Variants in RPS6KC1 observed in about 807,000 individuals in gnomAD.
RPS6KC1 encodes ribosomal protein S6 kinase C1.
RPS6KC1 carries 54 observed loss-of-function variants against 103.8 expected under a neutral mutation model. The ratio of observed to expected loss-of-function variants is 0.52; its 90% CI spans 0.42 to 0.65. The LOEUF (loss-of-function observed/expected upper bound fraction) is 0.65. RPS6KC1 is among the 30% of genes least tolerant of loss of function. The pLI is 0.00. For missense variants in RPS6KC1, 1,151 were observed against 1,253.8 expected, an observed-to-expected ratio of 0.92 and a Z score of 1.24; for synonymous variants, 439 against 438.7, an observed-to-expected ratio of 1.00 and a Z score of -0.01.
chr1:213,157,742 T>G (rs1172376366), intron 6 of RPS6KC1, among the ~76,000 whole-genome samples: 1 of 152,184 alleles, frequency 6.6e-6, no homozygotes, highest in African/African-American at 2.4e-5. Flanking sequence ...TATTACTGAT[T>G]TTCTGTCTCT....
chr1:213,663,393 A>G, the RPS6KC1 span, among the ~76,000 whole-genome samples: 4 of 152,178 alleles, frequency 2.6e-5, no homozygotes, highest in African/African-American at 4.8e-5. Context: ...AGAAGTGTTG[A>G]TTATAAGACA....
At chr1:213,292,934 A>G in the RPS6KC1 span, among the ~76,000 whole-genome samples, 1 of 152,110 alleles carries the variant, frequency 6.6e-6, no homozygotes, top group Non-Finnish European at 1.5e-5. Flanking sequence ...TCTTTGAATC[A>G]CTCTGACATG....
At chr1:213,685,149 C>T in the RPS6KC1 span, among the ~76,000 whole-genome samples, 59,828 of 151,994 alleles carry the variant, frequency 0.39, 14,135 homozygotes, top group South Asian at 0.72. Context: ...GAGTCTTCTT[C>T]CTGCTTTGTT....
the RPS6KC1 span, among the ~76,000 whole-genome samples, chr1:213,736,349 T>C: frequency 6.6e-6 from 1 of 152,104 alleles, no homozygotes; most frequent in African/African-American, 2.4e-5. Flanking sequence ...CCCATTCAAG[T>C]TGTTGGCAGA....
At chr1:213,480,591 G>A in the RPS6KC1 span, among the ~76,000 whole-genome samples, 2 of 151,936 alleles carry the variant, frequency 1.3e-5, no homozygotes, top group African/African-American at 4.8e-5. Flanking sequence ...CAATTATAAA[G>A]GAAGGACTAA....
the RPS6KC1 span, among the ~76,000 whole-genome samples, chr1:213,445,370 A>ATGG: frequency 6.6e-6 from 1 of 152,182 alleles, no homozygotes; most frequent in African/African-American, 2.4e-5. Context: ...GCTGGGTTGT[A>ATGG]TGGTGACTTT....
the RPS6KC1 span, among the ~76,000 whole-genome samples, chr1:213,629,769 G>T: frequency 2.0e-5 from 3 of 152,112 alleles, no homozygotes; most frequent in Non-Finnish European, 4.4e-5. Context: ...GCTCTTTTAG[G>T]GCAGGCCTGG....
At chr1:213,433,770 A>G in the RPS6KC1 span, among the ~76,000 whole-genome samples, 2 of 152,192 alleles carry the variant, frequency 1.3e-5, no homozygotes, top group South Asian at 4.1e-4. Flanking sequence ...TATCTATTCA[A>G]ATCTTTTGCC....
the RPS6KC1 span, among the ~76,000 whole-genome samples, chr1:213,862,138 G>A: frequency 0.11 from 16,769 of 152,126 alleles, 2,852 homozygotes; most frequent in African/African-American, 0.36. Flanking sequence ...CAATAAGCAC[G>A]TATAGACCAT....
At chr1:213,765,495 G>A in the RPS6KC1 span, among the ~76,000 whole-genome samples, 3 of 152,172 alleles carry the variant, frequency 2.0e-5, no homozygotes, top group Middle Eastern at 3.2e-3. Flanking sequence ...CTGCTAATGA[G>A]TCTGCCCAGG....
the RPS6KC1 span, among the ~76,000 whole-genome samples, chr1:213,602,010 T>TC: frequency 2.3e-5 from 1 of 42,852 alleles, no homozygotes; most frequent in East Asian, 1.2e-3. Context: ...TCTTTTCTTT[T>TC]CTTTTCTTTC....
the RPS6KC1 span, among the ~76,000 whole-genome samples, chr1:213,822,697 C>T: frequency 1.3e-5 from 2 of 152,210 alleles, no homozygotes; most frequent in Non-Finnish European, 2.9e-5. Context: ...CCTCTGGTTG[C>T]TCAGATCAAG....
the RPS6KC1 span, among the ~76,000 whole-genome samples, chr1:213,380,993 G>C: frequency 6.6e-6 from 1 of 152,310 alleles, no homozygotes; most frequent in East Asian, 1.9e-4. Flanking sequence ...TGGCTTGGCG[G>C]AGGGATCACA....
intron 2 of RPS6KC1, among the ~76,000 whole-genome samples, chr1:213,071,938 G>T (rs74362592): frequency 0.01 from 1,559 of 151,318 alleles, 22 homozygotes; most frequent in African/African-American, 0.036. Flanking sequence ...TTCTCTATTT[G>T]TATTTACTTT....
At chr1:213,556,513 C>T in the RPS6KC1 span, among the ~76,000 whole-genome samples, 17 of 152,202 alleles carry the variant, frequency 1.1e-4, no homozygotes, top group South Asian at 3.1e-3. Context: ...TAGGCTGCTG[C>T]TGCAGAGAAC....
chr1:213,792,401 T>C, the RPS6KC1 span, among the ~76,000 whole-genome samples: 1 of 152,130 alleles, frequency 6.6e-6, no homozygotes, highest in Non-Finnish European at 1.5e-5. Context: ...AGCTCTCATC[T>C]CAGCTGGCCA....
the RPS6KC1 span, among the ~76,000 whole-genome samples, chr1:213,796,931 G>A: frequency 2.6e-5 from 4 of 152,136 alleles, no homozygotes; most frequent in Non-Finnish European, 4.4e-5. Flanking sequence ...AAATTAAATG[G>A]CATGTTGTTT....
the RPS6KC1 span, among the ~76,000 whole-genome samples, chr1:213,792,622 T>A: frequency 6.6e-6 from 1 of 152,128 alleles, no homozygotes; most frequent in East Asian, 1.9e-4. Flanking sequence ...TGGAATTTTC[T>A]CTCCCACAAT....
the RPS6KC1 span, among the ~76,000 whole-genome samples, chr1:213,322,296 A>C: frequency 6.6e-6 from 1 of 152,220 alleles, no homozygotes; most frequent in East Asian, 1.9e-4. Flanking sequence ...TGTCTCAAAA[A>C]AGAAAAAAAA....
Sources: allele counts gnomAD v4.1 joint callset (sites outside exome capture counted in the v4.1 genomes callset), GRCh38; gene constraint gnomAD v4.1.1; transcripts MANE v1.5; gene names NCBI Gene and HGNC (gene_info 2026-07-23, HGNC 2026-07-21).